The following VMP1 variants were observed in gnomAD, a reference collection of about 807,000 sequenced individuals.
The protein encoded by VMP1 is ectopic P-granules autophagy protein 3 homolog.
Under a neutral mutation model 56.0 loss-of-function variants are expected in VMP1, and 11 were observed. The observed-to-expected ratio is 0.20, with a 90% CI of 0.12 to 0.32. The LOEUF is 0.32. Ranked by LOEUF, VMP1 falls within the 10% of genes least tolerant of loss-of-function variation. The pLI, the probability that VMP1 is intolerant of heterozygous loss-of-function variation, is 1.00. For synonymous variants in VMP1, 149 were observed against 165.0 expected (o/e 0.90, Z 0.74); for missense variants, 296 against 490.3 (o/e 0.60, Z 3.74).
In VMP1 at chr17:59,842,166, C is replaced by T. The variant is rs2039176310; in HGVS notation, c.*2255C>T. The T allele has an allele frequency of 6.6e-6, 1 of 152,130 alleles. No homozygotes were observed. Among genetic ancestry groups the T allele is most frequent in the Non-Finnish European group, 1.5e-5 (1 of 68,026 alleles). 9.4% of individuals were successfully genotyped at this position (152,130 alleles called of 1,614,324 possible). On this transcript the variant is annotated 3_prime_UTR_variant, in exon 12 of 12. Coordinates refer to ENST00000262291, the MANE Select transcript of VMP1 (RefSeq NM_030938.5). ...ATACACAGTACCTACTTAATTCCAGCTGATGGGAGACCAAAGAATTTGCAA... is the reference window on the plus strand; with the variant it reads ...ATACACAGTACCTACTTAATTCCAGTTGATGGGAGACCAAAGAATTTGCAA...
chr17:59,837,996 T>C (rs1249397672), intron 10 of VMP1: 1 of 235,172 alleles, frequency 4.3e-6, no homozygotes, highest in African/African-American at 2.3e-5. Context: ...GAGGACTAAC[T>C]CTTTTGCTGG....
chr17:59,762,015 A>G (rs138283077), intron 5 of VMP1, among the ~76,000 whole-genome samples: 4 of 152,338 alleles, frequency 2.6e-5, no homozygotes, highest in East Asian at 3.9e-4. Context: ...ACAAGAAGCC[A>G]GAGTCAATGT....
chr17:59,801,088 AAAAAT>A (rs1385247054), intron 7 of VMP1, among the ~76,000 whole-genome samples: 3 of 115,824 alleles, frequency 2.6e-5, no homozygotes, highest in African/African-American at 1.3e-4. Flanking sequence ...TCGAAAAAAA[AAAAAT>A]ATATATATAT....
At position 59,808,893 on chromosome 17, in the gene VMP1, A is replaced by C; in HGVS notation, c.795+17A>C. The C allele has an allele frequency of 6.2e-7, 1 of 1,605,818 alleles. No homozygotes were observed. The highest frequency in any genetic ancestry group is 1.1e-5 in the South Asian group (1 of 90,698). On this transcript the variant is annotated intron_variant, in intron 8 of 11. Transcript: ENST00000262291. ...TGTGCTTCAGTAAGTGAATTGTATT[A>C]AAACAGAACTTTTACTAAGTGGTAG...
At chr17:59,739,528 T>G (rs1196016609) in intron 5 of VMP1, among the ~76,000 whole-genome samples, 1 of 151,320 alleles carries the variant, frequency 6.6e-6, no homozygotes, top group South Asian at 2.1e-4. Flanking sequence ...ATCGAGACCA[T>G]CCTGGCTAAC....
intron 7 of VMP1, among the ~76,000 whole-genome samples, chr17:59,780,268 CA>C (rs1229159399): frequency 1.3e-5 from 2 of 152,182 alleles, no homozygotes; most frequent in Admixed American, 6.5e-5. Context: ...AAAATGTACA[CA>C]CATACTGTTT....
In VMP1 at chr17:59,748,938, G is replaced by A. The variant is rs1236175406; in HGVS notation, c.414+9991G>A. 2.1e-5 allele frequency among the ~76,000 whole-genome samples: 3 copies of A among 145,834 alleles called. No homozygotes were observed. The Admixed American group carries it at 2.1e-4, about 10-fold the overall frequency. ...GAGTCTCACTCTGTCTTGAGTGGCT[G>A]TCACAGGCTGCCTCATGCCTGTGAT... On this transcript the variant is annotated intron_variant, in intron 5 of 11. Coordinates refer to ENST00000262291, the MANE Select transcript of VMP1 (RefSeq NM_030938.5).
intron 2 of VMP1, 148 bp from the exon 3 acceptor site, chr17:59,735,190 G>A (rs949498666): frequency 1.5e-5 from 15 of 994,498 alleles, no homozygotes; most frequent in Admixed American, 2.9e-5. Context: ...GAGATTATAG[G>A]TACTACTAGT....
At chr17:59,778,719 T>C (rs2036717683) in intron 7 of VMP1, among the ~76,000 whole-genome samples, 1 of 152,208 alleles carries the variant, frequency 6.6e-6, no homozygotes, top group Non-Finnish European at 1.5e-5. Flanking sequence ...ATAGTTCAGT[T>C]TCTCCATGAT....
intron 5 of VMP1, among the ~76,000 whole-genome samples, chr17:59,758,119 G>A (rs1019971646): frequency 6.6e-6 from 1 of 151,918 alleles, no homozygotes; most frequent in Non-Finnish European, 1.5e-5. Context: ...TGAGAATACA[G>A]ACATGAGCCA....
chr17:59,720,337 C>T lies in VMP1; in HGVS notation c.-26-11084C>T, dbSNP rs1226830521. On this transcript the variant is annotated intron_variant, in intron 1 of 11. Coordinates refer to ENST00000262291, the MANE Select transcript of VMP1 (RefSeq NM_030938.5). ...CCTTTTACCTCATAATAATTTTTGA[C>T]GGATTGTCCTTGTCTTACATTTCAA... is the stretch of plus-strand genomic sequence containing the variant. Among the ~76,000 whole-genome samples, 16 of 152,096 alleles carry T rather than the reference C, an allele frequency of 1.1e-4. 1 individual carries two copies. The highest frequency in any genetic ancestry group is 8.5e-4 in the Admixed American group (13 of 15,270).
chr17:59,722,830 G>A (rs1029814787), intron 1 of VMP1, among the ~76,000 whole-genome samples: 2 of 152,170 alleles, frequency 1.3e-5, no homozygotes, highest in Non-Finnish European at 2.9e-5. Flanking sequence ...GCAGTGAGCT[G>A]TGATTGCTCT....
intron 7 of VMP1, among the ~76,000 whole-genome samples, chr17:59,792,785 G>T (rs1291888904): frequency 2.0e-5 from 3 of 150,992 alleles, no homozygotes; most frequent in Non-Finnish European, 4.4e-5. Flanking sequence ...GGAGGCGGAG[G>T]TTGCAGTGAG....
At chr17:59,711,565 T>G (rs926318823) in intron 1 of VMP1, among the ~76,000 whole-genome samples, 3 of 152,334 alleles carry the variant, frequency 2.0e-5, no homozygotes, top group South Asian at 4.1e-4. Flanking sequence ...CTCAAGAAAT[T>G]CCTTATTTTA....
At chr17:59,709,345 T>A (rs966296655) in intron 1 of VMP1, among the ~76,000 whole-genome samples, 1 of 152,214 alleles carries the variant, frequency 6.6e-6, no homozygotes, top group Non-Finnish European at 1.5e-5. Flanking sequence ...TCACCACTTT[T>A]TAGGATTTTG....
At chr17:59,739,138 A>G (rs547011915) in intron 5 of VMP1, among the ~76,000 whole-genome samples, 191 bp downstream of exon 5, 1 of 152,326 alleles carries the variant, frequency 6.6e-6, no homozygotes, top group Admixed American at 6.5e-5. Context: ...GTTAGTATTT[A>G]AAAAGCAAAG....
chr17:59,768,989 C>G (rs781403565), intron 6 of VMP1, among the ~76,000 whole-genome samples: 1 of 151,140 alleles, frequency 6.6e-6, no homozygotes, highest in African/African-American at 2.4e-5. Flanking sequence ...GGTGTAGTGG[C>G]GCAGGTCTGT....
intron 7 of VMP1, among the ~76,000 whole-genome samples, chr17:59,801,367 TC>T (rs2037656481): frequency 6.6e-6 from 1 of 150,986 alleles, no homozygotes; most frequent in Admixed American, 6.6e-5. Flanking sequence ...TGCCTCAGTA[TC>T]CCGAGTAACT....
At chr17:59,750,104 T>C (rs2035582008) in intron 5 of VMP1, among the ~76,000 whole-genome samples, 1 of 152,200 alleles carries the variant, frequency 6.6e-6, no homozygotes, top group Admixed American at 6.5e-5. Flanking sequence ...CTGAGTCTTA[T>C]TTGTGACAGT....
Sources: allele counts gnomAD v4.1 joint callset (sites outside exome capture counted in the v4.1 genomes callset), GRCh38; gene constraint gnomAD v4.1.1; transcripts MANE v1.5; gene names NCBI Gene and HGNC (gene_info 2026-07-23, HGNC 2026-07-21).